The following ZNF502 variants were observed in gnomAD, a reference collection of about 807,000 sequenced individuals.
ZNF502 encodes the protein zinc finger protein 502.
A neutral mutation model predicts 43.6 loss-of-function variants in ZNF502; 29 were observed. The ratio of observed to expected loss-of-function variants is 0.67; its 90% CI spans 0.50 to 0.91. ZNF502 has a LOEUF of 0.91. Ranked by LOEUF, ZNF502 falls within the 40% of genes least tolerant of loss-of-function variation. The probability of loss-of-function intolerance (pLI) is 0.00; values close to 1 mark genes in which losing one functional copy is unlikely to be tolerated. For synonymous variants in ZNF502, 171 were observed against 207.4 expected (o/e 0.82, Z 1.51); for missense variants, 591 against 647.2 (o/e 0.91, Z 0.94).
chr3:44,718,421 G>C (rs1704207703), intron 1 of ZNF502, among the ~76,000 whole-genome samples: 2 of 152,190 alleles, frequency 1.3e-5, no homozygotes, highest in African/African-American at 4.8e-5. Flanking sequence ...TAAAACAGTG[G>C]ATCTAATCAT....
chr3:44,721,627 T>C lies in ZNF502; in HGVS notation c.810T>C (p.Asn270=). 4 of 1,614,068 alleles carry C rather than the reference T, an allele frequency of 2.5e-6. No individual in the cohort carries two copies. The highest frequency in any genetic ancestry group is 1.3e-5 in the African/African-American group (1 of 75,030). The change falls in exon 3 of 3, where the codon AAT becomes AAC. Residue 270 remains asparagine, a synonymous_variant. Transcript: ENST00000436624. ...IHTGEKPYKC[N]RCGKAFNQNT... ...CTGGAGAGAAACCTTATAAATGCAA[T>C]AGGTGTGGGAAGGCATTCAATCAGA...
intron 2 of ZNF502, 116 bp downstream of exon 2, chr3:44,720,432 G>A: frequency 9.7e-7 from 1 of 1,033,944 alleles, no homozygotes; most frequent in Non-Finnish European, 1.4e-6. Context: ...CTCTTATAGG[G>A]ATGTTGGGGA....
chr3:44,720,443 CA>C (rs879577161), intron 2 of ZNF502, 127 bp downstream of exon 2: 134 of 921,506 alleles, frequency 1.5e-4, no homozygotes, highest in Non-Finnish European at 2.0e-4. Flanking sequence ...ATGTTGGGGA[CA>C]GGGGTGGGTG....
In ZNF502 at chr3:44,720,908, G is replaced by C; in HGVS notation, c.91G>C (p.Asp31His). 17 of 1,613,638 alleles carry C rather than the reference G, an allele frequency of 1.1e-5. No individual in the cohort carries two copies. Among genetic ancestry groups the C allele is most frequent in the Non-Finnish European group, 1.4e-5 (16 of 1,179,820 alleles). Residue 31 changes from aspartate (D) to histidine (H), a missense_variant, in exon 3 of 3, where the codon GAT becomes CAT. Physicochemically the swap from Asp to His is moderately conservative, Grantham distance 81. Coordinates refer to ENST00000436624, the MANE Select transcript of ZNF502 (RefSeq NM_001134442.3). ...CAAGAACAAGCCTGCTCTGGAGCAG[G>C]ATGTCTGTAAAATTGACTCATCAGG... is the stretch of plus-strand genomic sequence containing the variant. ...VNKNKPALEQ[D>H]VCKIDSSGIV...
At chr3:44,720,541 C>T (rs1459807469) in intron 2 of ZNF502, among the ~76,000 whole-genome samples, 1 of 152,214 alleles carries the variant, frequency 6.6e-6, no homozygotes, top group African/African-American at 2.4e-5. Flanking sequence ...CCACTCTCCA[C>T]TCTGGATACA....
rs188284980 is a variant in ZNF502 at position 44,722,756 on chromosome 3, T to C, written c.*304T>C. On this transcript the variant is annotated 3_prime_UTR_variant, in exon 3 of 3. Coordinates refer to ENST00000436624, the MANE Select transcript of ZNF502 (RefSeq NM_001134442.3). ...CATTTGTTAGCACTTCTGTTCACTT[T>C]ACTACATCCTGCCCCACATTCTGAC... 12 of 291,086 alleles carry C rather than the reference T, an allele frequency of 4.1e-5. No homozygotes were observed. Among genetic ancestry groups the C allele is most frequent in the African/African-American group, 9.0e-5 (4 of 44,364 alleles). 18.0% of individuals were successfully genotyped at this position (291,086 alleles called of 1,614,324 possible). A position where few individuals can be genotyped will look rare whatever the true frequency, so the allele number is the denominator to read the frequency against.
intron 1 of ZNF502, among the ~76,000 whole-genome samples, chr3:44,717,850 T>C (rs937431073): frequency 4.6e-5 from 7 of 152,130 alleles, no homozygotes; most frequent in African/African-American, 1.7e-4. Context: ...TGAAGTTTTC[T>C]ATGTTGCCTA....
intron 1 of ZNF502, chr3:44,714,569 A>G (rs527739686): frequency 6.6e-6 from 1 of 152,202 alleles, no homozygotes. Context: ...CCTAAAAAAA[A>G]TTGCTTTCTG....
intron 1 of ZNF502, among the ~76,000 whole-genome samples, chr3:44,716,465 C>T (rs1704149150): frequency 6.6e-6 from 1 of 152,150 alleles, no homozygotes; most frequent in Non-Finnish European, 1.5e-5. Context: ...GCTGGGATTA[C>T]AGGTGTGAGC....
chr3:44,716,661 C>G (rs950766934), intron 1 of ZNF502, among the ~76,000 whole-genome samples: 5 of 152,222 alleles, frequency 3.3e-5, no homozygotes, highest in Non-Finnish European at 7.3e-5. Context: ...GCCAGATTAG[C>G]TCCAGAAAGA....
chr3:44,715,041 A>T (rs915354882), intron 1 of ZNF502, among the ~76,000 whole-genome samples: 1 of 152,210 alleles, frequency 6.6e-6, no homozygotes, highest in Non-Finnish European at 1.5e-5. Flanking sequence ...AAAGTAATAT[A>T]TGTTTATTGA....
chr3:44,722,566 T>C lies in ZNF502; in HGVS notation c.*114T>C. The C allele has an allele frequency of 1.5e-6, 2 of 1,339,582 alleles. No individual in the cohort carries two copies. Among genetic ancestry groups the C allele is most frequent in the Non-Finnish European group, 2.0e-6 (2 of 995,428 alleles). The allele number at this position is 1,339,582 out of a possible 1,614,324, so 83.0% of individuals were successfully genotyped here. On this transcript the variant is annotated 3_prime_UTR_variant, in exon 3 of 3. Transcript: ENST00000436624. ...AAGGATGAAGGAGCCTTGGCTACTG[T>C]ACTCTGAGAGGAATGTTTCCAGAAA...
chr3:44,716,997 A>T (rs1395871698), intron 1 of ZNF502, among the ~76,000 whole-genome samples: 1 of 151,426 alleles, frequency 6.6e-6, no homozygotes, highest in East Asian at 1.9e-4. Flanking sequence ...GTTTTTCTTC[A>T]TTTTCTTTGT....
intron 1 of ZNF502, among the ~76,000 whole-genome samples, chr3:44,713,913 CAG>C (rs1171266131): frequency 6.6e-6 from 1 of 152,130 alleles, no homozygotes; most frequent in East Asian, 1.9e-4. Flanking sequence ...AACTGAGGTA[CAG>C]AGAGAACAGA....
rs751492767 is a variant in ZNF502 at position 44,721,218 on chromosome 3, T to A, written c.401T>A (p.Ile134Lys). The A allele has an allele frequency of 6.2e-7, 1 of 1,614,176 alleles. No individual in the cohort carries two copies. Among genetic ancestry groups the A allele is most frequent in the Non-Finnish European group, 8.5e-7 (1 of 1,180,030 alleles). ...ESLHQWETSN[I>K]QTNDISDQSK... ...CTGCATCAGTGGGAAACAAGTAATA[T>A]ACAAACCAATGATATTTCAGACCAA... Residue 134 changes from isoleucine to lysine, a missense_variant, in exon 3 of 3, where the codon ATA becomes AAA. By Grantham distance (102) the Ile-to-Lys change is moderately radical. Transcript: ENST00000436624.
chr3:44,713,336 T>C, intron 1 of ZNF502, among the ~76,000 whole-genome samples: 1 of 152,206 alleles, frequency 6.6e-6, no homozygotes, highest in East Asian at 1.9e-4. Context: ...CTATCCATTA[T>C]ATGCCAAACA....
Position 44,723,673 on chromosome 3 carries a change from T to C in ZNF502, c.*1221T>C, listed in dbSNP as rs1017624172. On this transcript the variant is annotated 3_prime_UTR_variant, in exon 3 of 3. Transcript: ENST00000436624. ...GAGAGAAATGACATAGTTTTCCCTT[T>C]ATTTCCCAAATTCCTTTCATGTTCT... 2 of 152,220 alleles carry C rather than the reference T, an allele frequency of 1.3e-5. No homozygotes were observed. Among genetic ancestry groups the C allele is most frequent in the African/African-American group, 4.8e-5 (2 of 41,456 alleles). The allele number at this position is 152,220 out of a possible 1,614,324, so 9.4% of individuals were successfully genotyped here. A position where few individuals can be genotyped will look rare whatever the true frequency, so the allele number is the denominator to read the frequency against.
chr3:44,717,180 G>T, intron 1 of ZNF502, among the ~76,000 whole-genome samples: 1 of 151,960 alleles, frequency 6.6e-6, no homozygotes, highest in Admixed American at 6.6e-5. Context: ...TTATTTTGGT[G>T]TGTGGCATGA....
chr3:44,716,095 A>G (rs1056092046), intron 1 of ZNF502, among the ~76,000 whole-genome samples: 2 of 152,168 alleles, frequency 1.3e-5, no homozygotes, highest in Admixed American at 1.3e-4. Context: ...TATTTTTACA[A>G]GTAACAGAAG....
Sources: allele counts gnomAD v4.1 joint callset (sites outside exome capture counted in the v4.1 genomes callset), GRCh38; gene constraint gnomAD v4.1.1; transcripts MANE v1.5; gene names NCBI Gene and HGNC (gene_info 2026-07-23, HGNC 2026-07-21).